Variants in INTS1 observed in about 807,000 individuals in gnomAD.
INTS1 encodes the protein integrator complex subunit 1.
INTS1 carries 137 observed loss-of-function variants against 241.6 expected under a neutral mutation model. The ratio of observed to expected loss-of-function variants is 0.57; its 90% CI spans 0.49 to 0.65. INTS1 has a LOEUF of 0.65. Ranked by LOEUF, INTS1 falls within the 30% of genes least tolerant of loss-of-function variation. The pLI is 0.00. For synonymous variants in INTS1, 1,692 were observed against 1,337.8 expected, an observed-to-expected ratio of 1.26 and a Z score of -5.78; for missense variants, 3,073 against 3,032.2, an observed-to-expected ratio of 1.01 and a Z score of -0.32.
At position 1,484,187 on chromosome 7, in the gene INTS1, G is replaced by T. The variant is rs548800119; in HGVS notation, c.3262-17C>A. On this transcript the variant is annotated splice_polypyrimidine_tract_variant and intron_variant, in intron 24 of 47. Coordinates refer to ENST00000404767, the MANE Select transcript of INTS1 (RefSeq NM_001080453.3). ...GGCCACGTCCTGGTGTGTGGACAGGGGGGCGTCAGAGGCTCCGAGACAGCT... is the reference window on the plus strand; with the variant it reads ...GGCCACGTCCTGGTGTGTGGACAGGTGGGCGTCAGAGGCTCCGAGACAGCT... 4.9e-5 allele frequency: 78 copies of T among 1,597,640 alleles called. 1 individual carries two copies. In the Middle Eastern group the frequency reaches 1.0e-3, roughly 20 times the overall value.
Position 1,494,682 on chromosome 7 carries a change from G to A in INTS1, c.1910+134C>T, listed in dbSNP as rs1249969884. On this transcript the variant is annotated intron_variant, in intron 14 of 47. Coordinates refer to ENST00000404767, the MANE Select transcript of INTS1 (RefSeq NM_001080453.3). Reference sequence around the variant, plus strand: ...GAAGGGTGGCACCCAGGATTGTGGAGGAGGAGCAGGATGGTGCTGTGACCA... The same window carrying A: ...GAAGGGTGGCACCCAGGATTGTGGAAGAGGAGCAGGATGGTGCTGTGACCA... 3 of 825,940 alleles carry A rather than the reference G, an allele frequency of 3.6e-6. No individual in the cohort carries two copies. In the African/African-American group the frequency reaches 5.1e-5, roughly 14 times the overall value. The allele number at this position is 825,940 out of a possible 1,614,324, so 51.2% of individuals were successfully genotyped here. A position where few individuals can be genotyped will look rare whatever the true frequency, so the allele number is the denominator to read the frequency against.
At chr7:1,477,113 A>G (rs1265404583) in intron 35 of INTS1, among the ~76,000 whole-genome samples, 195 bp from the exon 36 acceptor site, 1 of 152,140 alleles carries the variant, frequency 6.6e-6, no homozygotes, top group African/African-American at 2.4e-5. Context: ...TTCCCACGGG[A>G]GCCATGCCAC....
chr7:1,475,646 T>C, intron 39 of INTS1, among the ~76,000 whole-genome samples: 1 of 152,086 alleles, frequency 6.6e-6, no homozygotes, highest in East Asian at 1.9e-4. Context: ...TGCCCCAAAC[T>C]GAACGTGACC....
intron 21 of INTS1, 61 bp from the exon 22 acceptor site, chr7:1,486,835 G>A (rs2128538832): frequency 1.3e-6 from 2 of 1,599,198 alleles, no homozygotes; most frequent in Non-Finnish European, 8.5e-7. Context: ...AGGACGTGGG[G>A]TGCGCGGCTG....
rs754815010 is a variant in INTS1 at position 1,474,145 on chromosome 7, G to C, written c.5829+23C>G. The C allele has an allele frequency of 1.9e-6, 3 of 1,541,914 alleles. No homozygotes were observed. In the African/African-American group the frequency reaches 4.1e-5, roughly 21 times the overall value. On this transcript the variant is annotated intron_variant, in intron 41 of 47. Transcript: ENST00000404767. ...GCAGAGGGAGTGGAAGGGAGCGCGA[G>C]GGCGGGCGGCGGGAGCACACACCAG...
rs1781976994 is a variant in INTS1 at position 1,481,205 on chromosome 7, A to G, written c.3850+137T>C. On this transcript the variant is annotated intron_variant, in intron 28 of 47. Transcript: ENST00000404767. This position sits in a 1 kb window ranked among gnomAD's most constrained non-coding sequence, Gnocchi z 6.8. ...GCCAGCCTCACCAACCCACAGGTCT[A>G]AGCCTGCCCTCGAGTGCCACCCACA... The G allele has an allele frequency of 9.9e-7, 1 of 1,010,218 alleles. No individual in the cohort carries two copies. Among genetic ancestry groups the G allele is most frequent in the Non-Finnish European group, 1.5e-6 (1 of 665,254 alleles). The allele number at this position is 1,010,218 out of a possible 1,614,324, so 62.6% of individuals were successfully genotyped here. A position where few individuals can be genotyped will look rare whatever the true frequency, so the allele number is the denominator to read the frequency against.
intron 39 of INTS1, among the ~76,000 whole-genome samples, chr7:1,475,347 T>A (rs1781662454): frequency 6.6e-6 from 1 of 152,106 alleles, no homozygotes; most frequent in Non-Finnish European, 1.5e-5. Flanking sequence ...ATGGTACCGC[T>A]GCACTCCAGC....
chr7:1,500,845 G>A (rs775474212), intron 3 of INTS1: 26 of 156,868 alleles, frequency 1.7e-4, no homozygotes, highest in Non-Finnish European at 2.2e-4. Context: ...CCAGACGAGT[G>A]CCTGACCCTC....
At chr7:1,490,964 C>T (rs1782519243) in intron 16 of INTS1, among the ~76,000 whole-genome samples, 3 of 152,186 alleles carry the variant, frequency 2.0e-5, no homozygotes, top group Admixed American at 6.5e-5. Context: ...AACAGGCCAC[C>T]GACAGGGCGC....
At chr7:1,470,991 C>A in intron 46 of INTS1, 36 bp from the exon 47 acceptor site, 1 of 1,530,058 alleles carries the variant, frequency 6.5e-7, no homozygotes, top group South Asian at 1.2e-5. Flanking sequence ...GAACCTCCAC[C>A]CTGTGCCCAC....
At chr7:1,491,586 G>A (rs1339786884) in intron 16 of INTS1, among the ~76,000 whole-genome samples, 1 of 152,206 alleles carries the variant, frequency 6.6e-6, no homozygotes, top group African/African-American at 2.4e-5. Context: ...ATAGATAAAA[G>A]TGGATTTGCT....
At chr7:1,473,045 C>G (rs201567883) in intron 43 of INTS1, 27 bp downstream of exon 43, 23 of 1,494,926 alleles carry the variant, frequency 1.5e-5, no homozygotes, top group Non-Finnish European at 2.0e-5. Context: ...GCAGCTGCTT[C>G]CAGCAGCCCC....
Position 1,489,258 on chromosome 7 carries a change from G to A in INTS1, c.2318+86C>T. The A allele has an allele frequency of 7.0e-6, 3 of 425,564 alleles. No individual in the cohort carries two copies. In the African/African-American group the frequency reaches 2.8e-4, roughly 40 times the overall value. 26.4% of individuals were successfully genotyped at this position (425,564 alleles called of 1,614,324 possible). On this transcript the variant is annotated intron_variant, in intron 18 of 47. Coordinates refer to ENST00000404767, the MANE Select transcript of INTS1 (RefSeq NM_001080453.3). The stretch of plus-strand genomic sequence containing the variant: ...TAAGATGCTGATGCAGCACGACCCA[G>A]GAGACAGCAGGGAACACAGCCCCAG...
Position 1,479,577 on chromosome 7 carries a change from G to A in INTS1, c.4182C>T (p.Gly1394=), listed in dbSNP as rs576382769. 1.0e-5 allele frequency: 16 copies of A among 1,545,368 alleles called. No individual in the cohort carries two copies. The highest frequency in any genetic ancestry group is 4.1e-5 in the African/African-American group (3 of 73,138). ...LGQELARVVQ[G]SPEVPGITVR... ...CCGTGATGCCCGGCACCTCGGGGCT[G>A]CCCTGGACGACGCGGGCCAGCTCCT... The change falls in exon 31 of 48, where the codon GGC becomes GGT. Residue 1394 remains glycine, a synonymous_variant. Coordinates refer to ENST00000404767, the MANE Select transcript of INTS1 (RefSeq NM_001080453.3).
chr7:1,476,391 A>C lies in INTS1; in HGVS notation c.5216T>G (p.Ile1739Ser), dbSNP rs1232040637. 1.9e-6 allele frequency: 3 copies of C among 1,577,906 alleles called. No individual in the cohort carries two copies. Among genetic ancestry groups the C allele is most frequent in the Admixed American group, 3.6e-5 (2 of 56,266 alleles). ...GCTCCGCGTCTCCGCCTCGGCCAGG[A>C]TCAGCTCCACCAGGCTGATGAGCTC... ...GPELISLVEL[I>S]LAEAETRSQD... is the part of the protein sequence containing the mutation. Residue 1739 changes from isoleucine to serine, a missense_variant, in exon 38 of 48, where the codon ATC becomes AGC. Ile to Ser is a moderately radical substitution (Grantham distance 142). Transcript: ENST00000404767.
chr7:1,494,245 G>A (rs985298691), intron 14 of INTS1, among the ~76,000 whole-genome samples: 9 of 152,300 alleles, frequency 5.9e-5, no homozygotes, highest in African/African-American at 1.9e-4. Context: ...AAGGAGCTGG[G>A]GGCCAGGAGA....
In INTS1 at chr7:1,500,340, T is replaced by A. The variant is rs1266453579; in HGVS notation, c.376A>T (p.Ile126Phe). The A allele has an allele frequency of 1.9e-6, 3 of 1,585,114 alleles. No homozygotes were observed. Among genetic ancestry groups the A allele is most frequent in the East Asian group, 4.6e-5 (2 of 43,930 alleles). Residue 126 changes from isoleucine to phenylalanine, a missense_variant, in exon 4 of 48, where the codon ATC becomes TTC. By Grantham distance (21) the Ile-to-Phe change is conservative. Transcript: ENST00000404767. Reference protein sequence around the residue: ...EVLPTVLLDEIEAAELEGNDD... With the variant: ...EVLPTVLLDEFEAAELEGNDD... The stretch of plus-strand genomic sequence containing the variant: ...TTGCCCTCCAGCTCGGCCGCCTCGA[T>A]CTCATCCAGCAGCACCGTGGGCAGC...
intron 10 of INTS1, 41 bp downstream of exon 10, chr7:1,498,371 T>A (rs962224333): frequency 1.2e-6 from 2 of 1,609,746 alleles, no homozygotes; most frequent in Middle Eastern, 1.8e-4. Context: ...CAGAGCCCCA[T>A]ATTCCGGCGT....
Position 1,470,315 on chromosome 7 carries a change from A to AT in INTS1, c.*261dup. ...GTTTCATTCAAAACCAGCCCAGGCC[A>AT]TGCCCGGGGGGATCCGCCGCTCCGC... On this transcript the variant is annotated 3_prime_UTR_variant, in exon 48 of 48. Coordinates refer to ENST00000404767, the MANE Select transcript of INTS1 (RefSeq NM_001080453.3). 2.2e-6 allele frequency: 1 copy of AT among 459,342 alleles called. No homozygotes were observed. The highest frequency in any genetic ancestry group is 3.8e-6 in the Non-Finnish European group (1 of 260,480). The allele number at this position is 459,342 out of a possible 1,614,324, so 28.5% of individuals were successfully genotyped here. A position where few individuals can be genotyped will look rare whatever the true frequency, so the allele number is the denominator to read the frequency against.
Sources: allele counts gnomAD v4.1 joint callset (sites outside exome capture counted in the v4.1 genomes callset), GRCh38; gene constraint gnomAD v4.1.1; non-coding constraint Gnocchi (gnomAD v3.1); transcripts MANE v1.5; gene names NCBI Gene and HGNC (gene_info 2026-07-23, HGNC 2026-07-21).